Variants in TTC7B observed in about 807,000 individuals in gnomAD.
The protein encoded by TTC7B is tetratricopeptide repeat domain 7B, also known as tetratricopeptide repeat protein 7B.
TTC7B carries 28 observed loss-of-function variants against 106.8 expected under a neutral mutation model. That is an observed-to-expected ratio of 0.26 (90% CI 0.19 to 0.36). The LOEUF is 0.36. Ranked by LOEUF, TTC7B falls within the 10% of genes least tolerant of loss-of-function variation. The probability of loss-of-function intolerance (pLI) is 1.00; values close to 1 mark genes in which losing one functional copy is unlikely to be tolerated. For missense variants in TTC7B, 862 were observed against 1,076.4 expected (o/e 0.80, Z 2.79); for synonymous variants, 405 against 430.6 (o/e 0.94, Z 0.74).
intron 19 of TTC7B, among the ~76,000 whole-genome samples, chr14:90,565,706 T>G (rs1163990535): frequency 6.6e-6 from 1 of 152,120 alleles, no homozygotes; most frequent in Non-Finnish European, 1.5e-5. Context: ...GGCCAATCCT[T>G]TCTAGCTTTT....
chr14:90,599,802 A>C (rs1224209576), intron 17 of TTC7B, among the ~76,000 whole-genome samples: 1 of 152,248 alleles, frequency 6.6e-6, no homozygotes, highest in Non-Finnish European at 1.5e-5. Context: ...TTCTCTGTCA[A>C]CTTATTCACA....
chr14:90,789,315 C>A (rs1019690134), intron 1 of TTC7B, among the ~76,000 whole-genome samples: 5 of 152,080 alleles, frequency 3.3e-5, no homozygotes, highest in Non-Finnish European at 5.9e-5. Context: ...CCAGGCTGGT[C>A]TTGAACTCCT....
At chr14:90,615,705 G>A (rs768988069) in intron 16 of TTC7B, among the ~76,000 whole-genome samples, 3 of 152,152 alleles carry the variant, frequency 2.0e-5, no homozygotes, top group African/African-American at 4.8e-5. Flanking sequence ...GCAGGCTGGC[G>A]GGGATGACTA....
intron 13 of TTC7B, among the ~76,000 whole-genome samples, chr14:90,650,596 TAAAC>T (rs1305219128): frequency 2.0e-5 from 3 of 152,144 alleles, no homozygotes; most frequent in Non-Finnish European, 4.4e-5. Flanking sequence ...CAATGAGTGA[TAAAC>T]AAACACCACC....
intron 15 of TTC7B, among the ~76,000 whole-genome samples, chr14:90,639,866 A>G (rs538275641): frequency 6.6e-6 from 1 of 152,364 alleles, no homozygotes; most frequent in Admixed American, 6.5e-5. Context: ...GCTGCGTGCA[A>G]CAAGGAGGAG....
chr14:90,569,331 C>G (rs1890929103), intron 19 of TTC7B, among the ~76,000 whole-genome samples: 1 of 152,184 alleles, frequency 6.6e-6, no homozygotes, highest in African/African-American at 2.4e-5. Context: ...ACACTGTGAT[C>G]ACAATCTACA....
chr14:90,546,923 C>G lies in TTC7B; in HGVS notation c.2311-5334G>C, dbSNP rs150461024. 3.3e-3 allele frequency among the ~76,000 whole-genome samples: 500 copies of G among 152,344 alleles called. 4 individuals are homozygous for G. The highest frequency in any genetic ancestry group is 0.011 in the African/African-American group (469 of 41,574). The stretch of plus-strand genomic sequence containing the variant: ...CTGCTGGGGCTTGAGTTTCACAGAC[C>G]AGATGACCCGCCTACAGGTAGCTAG... On this transcript the variant is annotated intron_variant, in intron 19 of 19. Coordinates refer to ENST00000328459, the MANE Select transcript of TTC7B (RefSeq NM_001010854.2).
At chr14:90,769,321 T>A (rs1387869734) in intron 3 of TTC7B, among the ~76,000 whole-genome samples, 1 of 152,206 alleles carries the variant, frequency 6.6e-6, no homozygotes, top group African/African-American at 2.4e-5. Context: ...AAGTCCCTTA[T>A]CAGTACCTAC....
In TTC7B at chr14:90,525,495, T is replaced by G. The variant is rs939235369; in HGVS notation, c.*15873A>C. The G allele has an allele frequency of 2.8e-5, 4 of 144,928 alleles. No homozygotes were observed. The highest frequency in any genetic ancestry group is 1.0e-4 in the African/African-American group (4 of 39,720). The allele number at this position is 144,928 out of a possible 1,614,324, so 9.0% of individuals were successfully genotyped here. A position where few individuals can be genotyped will look rare whatever the true frequency, so the allele number is the denominator to read the frequency against. ...GCCTCGGACCGCACCGCTTTCGCCC[T>G]GCGGCCCGGCTCGGTAGCCTGATCA... On this transcript the variant is annotated 3_prime_UTR_variant, in exon 20 of 20. Coordinates refer to ENST00000328459, the MANE Select transcript of TTC7B (RefSeq NM_001010854.2).
chr14:90,730,033 C>T, intron 5 of TTC7B, 42 bp downstream of exon 5: 1 of 1,572,754 alleles, frequency 6.4e-7, no homozygotes, highest in Non-Finnish European at 8.6e-7. Context: ...TTTCTACTTT[C>T]CTTCTTTAGG....
At chr14:90,641,613 T>A (rs1311108247) in intron 15 of TTC7B, among the ~76,000 whole-genome samples, 2 of 152,198 alleles carry the variant, frequency 1.3e-5, no homozygotes, top group Non-Finnish European at 2.9e-5. Context: ...GAAATACAAA[T>A]ATTTAAAAAG....
At chr14:90,711,678 C>G (rs1888453962) in intron 5 of TTC7B, among the ~76,000 whole-genome samples, 1 of 152,144 alleles carries the variant, frequency 6.6e-6, no homozygotes, top group African/African-American at 2.4e-5. Context: ...CGCCTTTGCC[C>G]CCCAAAGTGC....
chr14:90,529,945 T>C lies in TTC7B; in HGVS notation c.*11423A>G, dbSNP rs988269896. ...AAGTGAAAAGATCCATACGGTGTTATAGATAGTATGATTTCACTTCATTAA... is the reference window on the plus strand; with the variant it reads ...AAGTGAAAAGATCCATACGGTGTTACAGATAGTATGATTTCACTTCATTAA... On this transcript the variant is annotated 3_prime_UTR_variant, in exon 20 of 20. Transcript: ENST00000328459. The C allele has an allele frequency of 1.3e-5, 2 of 152,230 alleles. No individual in the cohort carries two copies. Among genetic ancestry groups the C allele is most frequent in the African/African-American group, 2.4e-5 (1 of 41,464 alleles). The allele number at this position is 152,230 out of a possible 1,614,324, so 9.4% of individuals were successfully genotyped here.
At chr14:90,627,232 T>A (rs934116467) in intron 15 of TTC7B, among the ~76,000 whole-genome samples, 5 of 152,256 alleles carry the variant, frequency 3.3e-5, no homozygotes, top group African/African-American at 1.2e-4. Context: ...GAGATCCTCC[T>A]ACCTCGGCCT....
At chr14:90,652,521 C>G (rs1394620247) in intron 13 of TTC7B, among the ~76,000 whole-genome samples, 1 of 150,286 alleles carries the variant, frequency 6.7e-6, no homozygotes, top group African/African-American at 2.4e-5. Context: ...AGAATAATCT[C>G]TTCTCTAGAT....
chr14:90,647,425 T>C (rs1200985437), intron 13 of TTC7B: 2 of 159,900 alleles, frequency 1.3e-5, no homozygotes, highest in African/African-American at 4.8e-5. Flanking sequence ...AAGTTTGGCT[T>C]GGCCTTCCTT....
intron 15 of TTC7B, among the ~76,000 whole-genome samples, chr14:90,619,064 C>T (rs1034620777): frequency 2.3e-4 from 35 of 152,256 alleles, no homozygotes; most frequent in African/African-American, 7.5e-4. Flanking sequence ...CCACCACGTC[C>T]GGCTAATTTT....
At chr14:90,582,179 C>A (rs1891522182) in intron 18 of TTC7B, among the ~76,000 whole-genome samples, 1 of 152,242 alleles carries the variant, frequency 6.6e-6, no homozygotes, top group African/African-American at 2.4e-5. Flanking sequence ...ACAAAAGACT[C>A]CTGAGAGTGG....
At chr14:90,724,722 T>C (rs1566856983) in intron 5 of TTC7B, among the ~76,000 whole-genome samples, 2 of 152,222 alleles carry the variant, frequency 1.3e-5, no homozygotes, top group Non-Finnish European at 2.9e-5. Flanking sequence ...TGTAAGCCAA[T>C]TAAACCTCTT....
Sources: gnomAD v4.1 joint callset for allele counts (sites outside exome capture counted in the v4.1 genomes callset) on GRCh38, gnomAD v4.1.1 for gene constraint, MANE v1.5 for transcripts, NCBI Gene and HGNC (gene_info 2026-07-23, HGNC 2026-07-21) for gene names.